GSDMA: variants seen among roughly 807,000 people sequenced by gnomAD.
GSDMA encodes the protein gasdermin A, also known as gasdermin-A.
In GSDMA, 55 loss-of-function variants were observed where a neutral mutation model predicts 54.3. The ratio of observed to expected loss-of-function variants is 1.01; its 90% CI spans 0.82 to 1.27. The LOEUF is 1.27. Ranked by LOEUF, GSDMA falls within the 50% of genes most tolerant of loss-of-function variation. The pLI is 0.00. For synonymous variants in GSDMA, 211 were observed against 224.7 expected (o/e 0.94, Z 0.54); for missense variants, 542 against 542.6 (o/e 1.00, Z 0.01).
chr17:39,972,829 T>G (rs1980016975), intron 7 of GSDMA, among the ~76,000 whole-genome samples: 3 of 151,948 alleles, frequency 2.0e-5, no homozygotes, highest in Non-Finnish European at 2.9e-5. Context: ...GAGACCTTTG[T>G]CCTCAACAGC....
intron 7 of GSDMA, among the ~76,000 whole-genome samples, chr17:39,973,073 G>A (rs1192532802): frequency 1.3e-5 from 2 of 152,154 alleles, no homozygotes; most frequent in African/African-American, 4.8e-5. Flanking sequence ...CCCGGTTCAA[G>A]TGATTCTCCT....
intron 3 of GSDMA, among the ~76,000 whole-genome samples, chr17:39,968,298 C>T (rs564872548): frequency 2.1e-5 from 3 of 141,960 alleles, no homozygotes; most frequent in South Asian, 4.5e-4. Flanking sequence ...CCTCAGCCCC[C>T]AAAAGTGCTG....
At position 39,975,917 on chromosome 17, in the gene GSDMA, T is replaced by C. The variant is rs749436525; in HGVS notation, c.1022-7T>C. 3 of 1,589,066 alleles carry C rather than the reference T, an allele frequency of 1.9e-6. No individual in the cohort carries two copies. Among genetic ancestry groups the C allele is most frequent in the South Asian group, 1.2e-5 (1 of 86,864 alleles). On this transcript the variant is annotated splice_polypyrimidine_tract_variant and splice_region_variant and intron_variant, in intron 10 of 11. Transcript: ENST00000301659. ...AACACACATCTTTCTCTGCTTTTTT[T>C]CTCCAGAGCTAAGTGAAGCCCAACA...
At chr17:39,966,926 C>T (rs902124122) in intron 3 of GSDMA, among the ~76,000 whole-genome samples, 14 of 152,336 alleles carry the variant, frequency 9.2e-5, no homozygotes, top group Non-Finnish European at 8.8e-5. Context: ...ACACTAAGCA[C>T]GCCCTCGGGA....
At chr17:39,966,545 C>A in intron 3 of GSDMA, 108 bp downstream of exon 3, 1 of 1,006,362 alleles carries the variant, frequency 9.9e-7, no homozygotes, top group African/African-American at 1.7e-5. Context: ...CTGACCTTTG[C>A]CAATGTGGTC....
chr17:39,968,812 A>G (rs1224168813), intron 3 of GSDMA, among the ~76,000 whole-genome samples: 1 of 152,178 alleles, frequency 6.6e-6, no homozygotes, highest in East Asian at 1.9e-4. Flanking sequence ...GGTTTTGTCA[A>G]AGGTGACTGC....
At chr17:39,973,509 AC>A (rs1980054578) in intron 7 of GSDMA, among the ~76,000 whole-genome samples, 1 of 149,468 alleles carries the variant, frequency 6.7e-6, no homozygotes, top group Non-Finnish European at 1.5e-5. Flanking sequence ...TGATCCTCCC[AC>A]CTTGGCCTCC....
chr17:39,966,233 G>A (rs1399765731), intron 2 of GSDMA, 27 bp from the exon 3 acceptor site: 2 of 1,613,110 alleles, frequency 1.2e-6, no homozygotes, highest in South Asian at 1.1e-5. Flanking sequence ...AGCCAGCCCA[G>A]CCCCTTTTGT....
Position 39,974,155 on chromosome 17 carries a change from T to C in GSDMA, c.752-118T>C, listed in dbSNP as rs892633129. ...AAGAAAAATGGGGCCAGGCTCAAACTGGGGGGTAGAGCATGGGTACCTAAA... is the reference window on the plus strand; with the variant it reads ...AAGAAAAATGGGGCCAGGCTCAAACCGGGGGGTAGAGCATGGGTACCTAAA... On this transcript the variant is annotated intron_variant, in intron 8 of 11. Transcript: ENST00000301659. The C allele has an allele frequency of 1.0e-5, 11 of 1,082,574 alleles. No homozygotes were observed. In the African/African-American group the frequency reaches 1.8e-4, roughly 17 times the overall value. The allele number at this position is 1,082,574 out of a possible 1,614,324, so 67.1% of individuals were successfully genotyped here. A position where few individuals can be genotyped will look rare whatever the true frequency, so the allele number is the denominator to read the frequency against.
Position 39,975,952 on chromosome 17 carries a change from G to A in GSDMA, c.1050G>A (p.Leu350=). ...TELSEAQQKL[L]VKSMEKKILP... is the part of the protein sequence containing the mutation. ...TAAGTGAAGCCCAACAGAAGCTGCT[G>A]GTGAAATCCATGGAGAAAAAGATCC... The change falls in exon 11 of 12, where the codon CTG becomes CTA. Residue 350 remains leucine, a synonymous_variant. Transcript: ENST00000301659. The A allele has an allele frequency of 6.2e-7, 1 of 1,601,032 alleles. No individual in the cohort carries two copies. The highest frequency in any genetic ancestry group is 8.5e-7 in the Non-Finnish European group (1 of 1,173,672).
Position 39,977,154 on chromosome 17 carries a change from G to A in GSDMA, c.*96G>A, listed in dbSNP as rs1214549720. 7.1e-7 allele frequency: 1 copy of A among 1,415,142 alleles called. No homozygotes were observed. The highest frequency in any genetic ancestry group is 1.4e-5 in the African/African-American group (1 of 70,058). The allele number at this position is 1,415,142 out of a possible 1,614,324, so 87.7% of individuals were successfully genotyped here. A position where few individuals can be genotyped will look rare whatever the true frequency, so the allele number is the denominator to read the frequency against. On this transcript the variant is annotated 3_prime_UTR_variant, in exon 12 of 12. Coordinates refer to ENST00000301659, the MANE Select transcript of GSDMA (RefSeq NM_178171.5). ...TAAGGGCATTTCAGAGCCATCAGCTGAAGACATCTGAAATCTCAGCTGGTC... is the reference window on the plus strand; with the variant it reads ...TAAGGGCATTTCAGAGCCATCAGCTAAAGACATCTGAAATCTCAGCTGGTC...
intron 3 of GSDMA, among the ~76,000 whole-genome samples, chr17:39,969,068 T>C (rs975308968): frequency 2.6e-5 from 4 of 152,096 alleles, no homozygotes; most frequent in Admixed American, 2.6e-4. Context: ...AGATTAAAAC[T>C]GTAGGAGCCA....
intron 1 of GSDMA, 171 bp from the exon 2 acceptor site, chr17:39,965,512 A>G (rs2144783391): frequency 1.7e-6 from 1 of 600,274 alleles, no homozygotes; most frequent in Admixed American, 2.9e-5. Flanking sequence ...CATAAAATGC[A>G]GACTCCCTTG....
chr17:39,974,301 A>G lies in GSDMA; in HGVS notation c.780A>G (p.Leu260=), dbSNP rs368752196. 1.2e-6 allele frequency: 2 copies of G among 1,611,680 alleles called. No homozygotes were observed. Among genetic ancestry groups the G allele is most frequent in the Middle Eastern group, 3.3e-4 (2 of 6,062 alleles). Residue 260 remains leucine (L), a synonymous_variant, in exon 9 of 12, where the codon CTA becomes CTG. Transcript: ENST00000301659. Reference sequence around the variant, plus strand: ...ACGTACACGAAGGCTTCAGGACACTAAAAGAAGAAGTTCAGAGAGAGACCC... The same window carrying G: ...ACGTACACGAAGGCTTCAGGACACTGAAAGAAGAAGTTCAGAGAGAGACCC... ...VGDVHEGFRT[L]KEEVQRETQQ... is the part of the protein sequence containing the mutation.
intron 3 of GSDMA, among the ~76,000 whole-genome samples, chr17:39,967,395 A>T (rs1388656067): frequency 6.6e-6 from 1 of 152,202 alleles, no homozygotes. Flanking sequence ...GAAGGGTATT[A>T]TGAAGGCACA....
At chr17:39,971,716 G>A in intron 5 of GSDMA, 96 bp downstream of exon 5, 1 of 851,742 alleles carries the variant, frequency 1.2e-6, no homozygotes, top group South Asian at 1.5e-5. Context: ...GTCAGAGAAT[G>A]AGTAGGGGGG....
rs758532521 is a variant in GSDMA at position 39,977,050 on chromosome 17, G to A, written c.1330G>A (p.Ala444Thr). 4.3e-6 allele frequency: 7 copies of A among 1,613,764 alleles called. No individual in the cohort carries two copies. The highest frequency in any genetic ancestry group is 5.9e-6 in the Non-Finnish European group (7 of 1,179,828). The change falls in exon 12 of 12, where the codon GCC (alanine) becomes ACC (threonine). Residue 444 changes from alanine (A) to threonine (T), a missense_variant. Physicochemically the swap from Ala to Thr is moderately conservative, Grantham distance 58. Coordinates refer to ENST00000301659, the MANE Select transcript of GSDMA (RefSeq NM_178171.5). ...GLSLLQQLTK[A>T]S is the part of the protein sequence containing the mutation. Reference sequence around the variant, plus strand: ...CTCTCTCCTTCAGCAGCTTACCAAGGCCTCCTAATTTGCCTTTTACGTCTG... The same window carrying A: ...CTCTCTCCTTCAGCAGCTTACCAAGACCTCCTAATTTGCCTTTTACGTCTG...
chr17:39,972,100 T>TACCCC, intron 5 of GSDMA, 29 bp from the exon 6 acceptor site: 1 of 835,090 alleles, frequency 1.2e-6, no homozygotes, highest in Non-Finnish European at 2.0e-6. Context: ...CTAAGTGTCC[T>TACCCC]CCCACCCTCC....
At chr17:39,970,881 C>T (rs1214293660) in intron 4 of GSDMA, among the ~76,000 whole-genome samples, 1 of 152,168 alleles carries the variant, frequency 6.6e-6, no homozygotes, top group Non-Finnish European at 1.5e-5. Flanking sequence ...GCGCCAGATG[C>T]CACAGGGAAC....
Sources: gnomAD v4.1 joint callset for allele counts (sites outside exome capture counted in the v4.1 genomes callset) on GRCh38, gnomAD v4.1.1 for gene constraint, MANE v1.5 for transcripts, NCBI Gene and HGNC (gene_info 2026-07-23, HGNC 2026-07-21) for gene names.